ZSCAN12: variants seen among roughly 807,000 people sequenced by gnomAD.
The protein encoded by ZSCAN12 is zinc finger and SCAN domain containing 12.
Under a neutral mutation model 23.4 loss-of-function variants are expected in ZSCAN12, and 18 were observed. The ratio of observed to expected loss-of-function variants is 0.77; its 90% confidence interval spans 0.53 to 1.14. ZSCAN12 has a LOEUF of 1.14. ZSCAN12 is among the 50% of genes most tolerant of loss of function. ZSCAN12 has a pLI of 0.00. For synonymous variants in ZSCAN12, 186 were observed against 253.4 expected, an observed-to-expected ratio of 0.73 and a Z score of 2.53; for missense variants, 650 against 735.0, an observed-to-expected ratio of 0.88 and a Z score of 1.34.
At position 28,388,163 on chromosome 6, in the gene ZSCAN12, A is replaced by G. The variant is rs987772086; in HGVS notation, c.*2291T>C. 6.6e-6 allele frequency among the ~76,000 whole-genome samples: 1 copy of G among 152,118 alleles called. No individual in the cohort carries two copies. The highest frequency in any genetic ancestry group is 1.5e-5 in the Non-Finnish European group (1 of 68,016). On this transcript the variant is annotated 3_prime_UTR_variant, in exon 4 of 4. Coordinates refer to ENST00000684592, the MANE Select transcript of ZSCAN12 (RefSeq NM_001163391.2). ...CTCTGGGTTCCTTGTTTCCTGGAGG[A>G]AAAAAACTAGGTTTCCAATCCCAGT...
At position 28,390,709 on chromosome 6, in the gene ZSCAN12, A is replaced by T; in HGVS notation, c.1581T>A (p.Cys527Ter). The T allele has an allele frequency of 6.2e-7, 1 of 1,612,458 alleles. No individual in the cohort carries two copies. Among genetic ancestry groups the T allele is most frequent in the Non-Finnish European group, 8.5e-7 (1 of 1,179,262 alleles). ...RIHTGERPYK[C>*]DECGNAFRGI... Reference sequence around the variant, plus strand: ...CTCGGAAGGCATTCCCACACTCATCACACTTGTAGGGCCTCTCTCCAGTGT... The same window carrying T: ...CTCGGAAGGCATTCCCACACTCATCTCACTTGTAGGGCCTCTCTCCAGTGT... Residue 527 changes from cysteine to a stop codon, truncating the protein, a stop_gained, in exon 4 of 4, where the codon TGT becomes TGA. Coordinates refer to ENST00000684592, the MANE Select transcript of ZSCAN12 (RefSeq NM_001163391.2). LOFTEE classifies it low-confidence loss of function (END_TRUNC).
chr6:28,389,884 C>T lies in ZSCAN12; in HGVS notation c.*570G>A, dbSNP rs1333405767. On this transcript the variant is annotated 3_prime_UTR_variant, in exon 4 of 4. Coordinates refer to ENST00000684592, the MANE Select transcript of ZSCAN12 (RefSeq NM_001163391.2). Reference sequence around the variant, plus strand: ...AGATGAAATTATTCACACTCTGGCCCTCTTATGTGTCTGTCCCCAAGCTGT... The same window carrying T: ...AGATGAAATTATTCACACTCTGGCCTTCTTATGTGTCTGTCCCCAAGCTGT... Among the ~76,000 whole-genome samples the T allele has an allele frequency of 6.6e-6, 1 of 152,136 alleles. No homozygotes were observed. The highest frequency in any genetic ancestry group is 2.4e-5 in the African/African-American group (1 of 41,416).
intron 2 of ZSCAN12, among the ~76,000 whole-genome samples, chr6:28,393,804 A>C (rs1760982602): frequency 6.6e-6 from 1 of 151,206 alleles, no homozygotes. Context: ...AGGGAAGGAG[A>C]GAAATCTCTT....
At chr6:28,397,324 C>T (rs1238654211) in intron 2 of ZSCAN12, among the ~76,000 whole-genome samples, 1 of 143,574 alleles carries the variant, frequency 7.0e-6, no homozygotes, top group Non-Finnish European at 1.5e-5. Flanking sequence ...AAACGTTCTA[C>T]ATAATTTGGT....
downstream of ZSCAN12, among the ~76,000 whole-genome samples, chr6:28,383,711 A>G (rs1474322597): frequency 2.0e-5 from 3 of 151,958 alleles, no homozygotes; most frequent in Non-Finnish European, 4.4e-5. Flanking sequence ...AAGGGAAGAA[A>G]TCTCTCCTTT....
downstream of ZSCAN12, chr6:28,380,059 C>T (rs1237822872): frequency 6.6e-6 from 1 of 152,186 alleles, no homozygotes; most frequent in Admixed American, 6.5e-5. Context: ...CTAACATTTC[C>T]TTTTCTTGAT....
chr6:28,391,778 T>A lies in ZSCAN12; in HGVS notation c.548-36A>T. 1 of 1,414,546 alleles carries A rather than the reference T, an allele frequency of 7.1e-7. No homozygotes were observed. The highest frequency in any genetic ancestry group is 9.3e-7 in the Non-Finnish European group (1 of 1,072,400). 87.6% of individuals were successfully genotyped at this position (1,414,546 alleles called of 1,614,324 possible). On this transcript the variant is annotated intron_variant, in intron 3 of 3. Transcript: ENST00000684592. The surrounding 1 kb of genome is among the most constrained non-coding windows in gnomAD (Gnocchi z 4.1). ...ATCATAAATGTTACCTCTTTCTACC[T>A]TTAAAATGTATCCATACATTTTAAT...
rs1760785287 is a variant in ZSCAN12, at chr6:28,390,846, T to A, written c.1444A>T (p.Thr482Ser). The change falls in exon 4 of 4, where the codon ACA becomes TCA. Residue 482 changes from threonine to serine, a missense_variant. By Grantham distance (58) the Thr-to-Ser change is moderately conservative. Transcript: ENST00000684592. ...ATTCGCTGATGTTCTGTAAGACTTG[T>A]CCTTTGAATAAAGGCTTTTTCACAT... is the stretch of plus-strand genomic sequence containing the variant. ...DVCEKAFIQR[T>S]SLTEHQRIHT... 6.3e-7 allele frequency: 1 copy of A among 1,589,278 alleles called. No individual in the cohort carries two copies. The highest frequency in any genetic ancestry group is 1.3e-5 in the African/African-American group (1 of 74,260).
downstream of ZSCAN12, among the ~76,000 whole-genome samples, chr6:28,383,654 A>G (rs998101638): frequency 6.6e-6 from 1 of 152,160 alleles, no homozygotes; most frequent in African/African-American, 2.4e-5. Context: ...AACTTCGGAT[A>G]GCAGGGGCCG....
At chr6:28,380,971 A>G (rs981566248), downstream of ZSCAN12, 1 of 152,366 alleles carries the variant, frequency 6.6e-6, no homozygotes, top group Non-Finnish European at 1.5e-5. Context: ...ACTTTTACCT[A>G]AAGTGCATGC....
chr6:28,389,736 T>C lies in ZSCAN12; in HGVS notation c.*718A>G, dbSNP rs1423396543. On this transcript the variant is annotated 3_prime_UTR_variant, in exon 4 of 4. Coordinates refer to ENST00000684592, the MANE Select transcript of ZSCAN12 (RefSeq NM_001163391.2). ...CTTTTTCTTTGTGTGGGATTATAGC[T>C]ATGTTGCCATCTCCATAGGCAAGAG... Among the ~76,000 whole-genome samples the C allele has an allele frequency of 6.6e-6, 1 of 152,218 alleles. No individual in the cohort carries two copies. Among genetic ancestry groups the C allele is most frequent in the African/African-American group, 2.4e-5 (1 of 41,454 alleles).
In ZSCAN12 at chr6:28,388,392, A is replaced by G. The variant is rs1187057112; in HGVS notation, c.*2062T>C. Among the ~76,000 whole-genome samples, 1 of 152,208 alleles carries G rather than the reference A, an allele frequency of 6.6e-6. No homozygotes were observed. Among genetic ancestry groups the G allele is most frequent in the Admixed American group, 6.5e-5 (1 of 15,278 alleles). Reference sequence around the variant, plus strand: ...TGACACCTAATATACCTGAATTATAATACTTATACCATTATGACTTCTATG... The same window carrying G: ...TGACACCTAATATACCTGAATTATAGTACTTATACCATTATGACTTCTATG... On this transcript the variant is annotated 3_prime_UTR_variant, in exon 4 of 4. Transcript: ENST00000684592.
chr6:28,394,803 T>C (rs985361272), intron 2 of ZSCAN12, among the ~76,000 whole-genome samples: 2 of 152,186 alleles, frequency 1.3e-5, no homozygotes, highest in African/African-American at 4.8e-5. Flanking sequence ...ACTATGCGTA[T>C]TCTGAAAAGC....
downstream of ZSCAN12, chr6:28,382,521 C>A (rs1452943789): frequency 3.2e-6 from 5 of 1,551,924 alleles, 1 homozygote; most frequent in Middle Eastern, 6.7e-4. Context: ...GATTGCCATT[C>A]TGGAATGAGA....
chr6:28,391,393 A>G lies in ZSCAN12; in HGVS notation c.897T>C (p.Asp299=), dbSNP rs2859348. Residue 299 remains aspartate, a synonymous_variant, in exon 4 of 4, where the codon GAT becomes GAC. Transcript: ENST00000684592. The surrounding 1 kb of genome is among the most constrained non-coding windows in gnomAD (Gnocchi z 4.1). ...LIEHQRIHTG[D]RPYKCEECGK... is the part of the protein sequence containing the mutation. ...CACATTCTTCGCATTTGTAGGGTCTATCTCCAGTATGGATCCTCTGATGTT... is the reference window on the plus strand; with the variant it reads ...CACATTCTTCGCATTTGTAGGGTCTGTCTCCAGTATGGATCCTCTGATGTT... The G allele has an allele frequency of 0.48, 737,959 of 1,551,796 alleles. 184,643 individuals carry two copies. Among genetic ancestry groups the G allele is most frequent in the African/African-American group, 0.9 (66,053 of 73,104 alleles).
In ZSCAN12 at chr6:28,388,332, G is replaced by C. The variant is rs919510191; in HGVS notation, c.*2122C>G. Among the ~76,000 whole-genome samples, 7 of 151,932 alleles carry C rather than the reference G, an allele frequency of 4.6e-5. No homozygotes were observed. Among genetic ancestry groups the C allele is most frequent in the Non-Finnish European group, 8.8e-5 (6 of 67,846 alleles). On this transcript the variant is annotated 3_prime_UTR_variant, in exon 4 of 4. Coordinates refer to ENST00000684592, the MANE Select transcript of ZSCAN12 (RefSeq NM_001163391.2). ...GAACTCAAGAAGGTTTTTCCACACAGAAAGTCATGTAAGTTCCAATCCCAG... is the reference window on the plus strand; with the variant it reads ...GAACTCAAGAAGGTTTTTCCACACACAAAGTCATGTAAGTTCCAATCCCAG...
In ZSCAN12 at chr6:28,388,281, A is replaced by G. The variant is rs1760646178; in HGVS notation, c.*2173T>C. ...CAACTTATGAGTAAGTTGTTTTTCA[A>G]CTGTTCATTTGCCTTTCTCTCTTGT... On this transcript the variant is annotated 3_prime_UTR_variant, in exon 4 of 4. Transcript: ENST00000684592. Among the ~76,000 whole-genome samples, 1 of 152,146 alleles carries G rather than the reference A, an allele frequency of 6.6e-6. No homozygotes were observed. Among genetic ancestry groups the G allele is most frequent in the Non-Finnish European group, 1.5e-5 (1 of 68,030 alleles).
downstream of ZSCAN12, chr6:28,380,105 T>A (rs977313385): frequency 2.0e-5 from 3 of 152,250 alleles, no homozygotes; most frequent in Non-Finnish European, 2.9e-5. Context: ...CTGGCTAAAA[T>A]GAGCAATTTA....
intron 2 of ZSCAN12, 136 bp from the exon 3 acceptor site, chr6:28,393,182 A>C: frequency 1.1e-6 from 1 of 892,724 alleles, no homozygotes; most frequent in East Asian, 2.7e-5. Context: ...CCCATTCTTC[A>C]AGGCCAATAT....
Sources: gnomAD v4.1 joint callset for allele counts (sites outside exome capture counted in the v4.1 genomes callset) on GRCh38, gnomAD v4.1.1 for gene constraint, Gnocchi (gnomAD v3.1) non-coding constraint, MANE v1.5 for transcripts, NCBI Gene and HGNC (gene_info 2026-07-23, HGNC 2026-07-21) for gene names.